GALNT13: variants seen among roughly 807,000 people sequenced by gnomAD.
GALNT13 encodes UDP-GalNAc:polypeptide N-acetylgalactosaminyltransferase 13.
GALNT13 carries 28 observed loss-of-function variants against 64.2 expected under a neutral mutation model. The observed-to-expected ratio is 0.44, with a 90% CI of 0.32 to 0.60. The LOEUF is 0.60. Among genes scored for constraint, GALNT13 ranks in the 20% least tolerant of loss-of-function variants. The pLI, the probability that GALNT13 is intolerant of heterozygous loss-of-function variation, is 0.05. For missense variants in GALNT13, 577 were observed against 669.8 expected, an observed-to-expected ratio of 0.86 and a Z score of 1.53; for synonymous variants, 214 against 224.6, an observed-to-expected ratio of 0.95 and a Z score of 0.42.
chr2:153,257,920 G>T, the GALNT13 span, among the ~76,000 whole-genome samples: 1 of 152,092 alleles, frequency 6.6e-6, no homozygotes, highest in Non-Finnish European at 1.5e-5. Flanking sequence ...AAAGACCCTT[G>T]GGAAAACTGG....
At chr2:154,240,238 C>A (rs1007872758) in intron 4 of GALNT13, among the ~76,000 whole-genome samples, 3 of 152,222 alleles carry the variant, frequency 2.0e-5, no homozygotes, top group African/African-American at 7.2e-5. Flanking sequence ...TACAGCACTA[C>A]ACATATCATT....
intron 4 of GALNT13, among the ~76,000 whole-genome samples, chr2:154,189,026 C>T (rs115175957): frequency 1.2e-3 from 178 of 152,100 alleles, no homozygotes; most frequent in Middle Eastern, 3.4e-3. Context: ...CTTAATAATC[C>T]AATCCAAAAA....
chr2:153,991,951 A>G, intron 3 of GALNT13, among the ~76,000 whole-genome samples: 1 of 152,146 alleles, frequency 6.6e-6, no homozygotes, highest in East Asian at 1.9e-4. Flanking sequence ...AGAAATAAAT[A>G]ATGTGAAAAG....
At chr2:153,733,931 C>T in the GALNT13 span, among the ~76,000 whole-genome samples, 2 of 152,272 alleles carry the variant, frequency 1.3e-5, no homozygotes, top group African/African-American at 2.4e-5. Flanking sequence ...TTGCTGAATT[C>T]GTCTTAGAGC....
At chr2:153,640,433 A>G in the GALNT13 span, among the ~76,000 whole-genome samples, 1 of 150,568 alleles carries the variant, frequency 6.6e-6, no homozygotes, top group African/African-American at 2.5e-5. Flanking sequence ...TCATAAAAAC[A>G]CAGTATAATT....
chr2:154,300,571 T>TTATA (rs967902534), intron 8 of GALNT13, among the ~76,000 whole-genome samples: 1 of 150,962 alleles, frequency 6.6e-6, no homozygotes. Context: ...AGCATATATG[T>TTATA]TATATATATA....
chr2:153,126,765 A>C, the GALNT13 span, among the ~76,000 whole-genome samples: 1 of 152,220 alleles, frequency 6.6e-6, no homozygotes, highest in East Asian at 1.9e-4. Context: ...ATACTAAAGA[A>C]GGAGGAATGG....
At chr2:154,315,603 C>T (rs771124722) in intron 9 of GALNT13, among the ~76,000 whole-genome samples, 31 of 152,234 alleles carry the variant, frequency 2.0e-4, no homozygotes, top group Non-Finnish European at 2.6e-4. Context: ...ATACATGATT[C>T]GTTAACACAT....
intron 3 of GALNT13, among the ~76,000 whole-genome samples, chr2:153,993,797 T>G (rs1695329071): frequency 6.6e-6 from 1 of 152,108 alleles, no homozygotes; most frequent in African/African-American, 2.4e-5. Flanking sequence ...TTTTATTCTT[T>G]TACTTTTCAA....
the GALNT13 span, among the ~76,000 whole-genome samples, chr2:153,416,758 A>G: frequency 6.6e-6 from 1 of 152,190 alleles, no homozygotes; most frequent in African/African-American, 2.4e-5. Context: ...TCTATGTGAT[A>G]TGATACAACA....
chr2:153,817,876 C>T, the GALNT13 span, among the ~76,000 whole-genome samples: 1 of 152,098 alleles, frequency 6.6e-6, no homozygotes, highest in South Asian at 2.1e-4. Flanking sequence ...GTATATTATT[C>T]AACCATGAAA....
chr2:154,172,163 A>G (rs1685390341), intron 4 of GALNT13, among the ~76,000 whole-genome samples: 1 of 151,936 alleles, frequency 6.6e-6, no homozygotes, highest in Non-Finnish European at 1.5e-5. Context: ...TTATTTTAAA[A>G]CTTATTTTTA....
At chr2:153,488,269 T>A in the GALNT13 span, among the ~76,000 whole-genome samples, 1 of 152,164 alleles carries the variant, frequency 6.6e-6, no homozygotes, top group East Asian at 1.9e-4. Flanking sequence ...CCTCAGTTCT[T>A]TCTCTGTGAA....
Position 154,138,224 on chromosome 2 carries a change from TAAA to T in GALNT13, c.143-2111_143-2109del, listed in dbSNP as rs1288756267. On this transcript the variant is annotated intron_variant, in intron 3 of 12. Coordinates refer to ENST00000392825, the MANE Select transcript of GALNT13 (RefSeq NM_052917.4). ...AAAGTGATATATAAGCTTTTGGGCC[TAAA>T]AGGTTCTTTGACCTTCATTTTCCTT... is the stretch of plus-strand genomic sequence containing the variant. Among the ~76,000 whole-genome samples the T allele has an allele frequency of 7.9e-5, 12 of 152,198 alleles. No individual in the cohort carries two copies. In the East Asian group the frequency reaches 2.3e-3, roughly 29 times the overall value.
chr2:153,269,732 A>T, the GALNT13 span, among the ~76,000 whole-genome samples: 2 of 151,876 alleles, frequency 1.3e-5, no homozygotes, highest in African/African-American at 4.8e-5. Flanking sequence ...AGTTTAATTG[A>T]CACACTTCTT....
intron 1 of GALNT13, among the ~76,000 whole-genome samples, chr2:153,897,627 T>C (rs899501534): frequency 2.0e-5 from 3 of 152,094 alleles, no homozygotes; most frequent in Non-Finnish European, 2.9e-5. Context: ...CATCACACTT[T>C]CATGCGCTGG....
chr2:154,446,952 T>A (rs141242861), intron 12 of GALNT13, among the ~76,000 whole-genome samples: 1 of 151,198 alleles, frequency 6.6e-6, no homozygotes, highest in African/African-American at 2.4e-5. Flanking sequence ...AAGTTGTGTT[T>A]AGTCTATCCT....
chr2:154,407,659 T>G (rs1173068379), intron 10 of GALNT13, among the ~76,000 whole-genome samples: 1 of 152,100 alleles, frequency 6.6e-6, no homozygotes, highest in Admixed American at 6.6e-5. Flanking sequence ...AGTGTGTGTT[T>G]TGTCTTTTTT....
chr2:154,271,657 A>T (rs1353738861), intron 8 of GALNT13, among the ~76,000 whole-genome samples: 1 of 151,956 alleles, frequency 6.6e-6, no homozygotes, highest in Admixed American at 6.6e-5. Context: ...TTGTAAGCAT[A>T]TACTGTATTG....
Sources: allele counts gnomAD v4.1 joint callset (sites outside exome capture counted in the v4.1 genomes callset), GRCh38; gene constraint gnomAD v4.1.1; transcripts MANE v1.5; gene names NCBI Gene and HGNC (gene_info 2026-07-23, HGNC 2026-07-21).